DAB1: variants seen among roughly 807,000 people sequenced by gnomAD.
DAB1 encodes disabled homolog 1.
DAB1 carries 15 observed loss-of-function variants against 64.6 expected under a neutral mutation model. That is an observed-to-expected ratio of 0.23 (90% CI 0.16 to 0.36). DAB1 has a LOEUF of 0.36. DAB1 is among the 10% of genes least tolerant of loss of function. The pLI is 1.00. For synonymous variants in DAB1, 235 were observed against 251.9 expected (o/e 0.93, Z 0.64); for missense variants, 596 against 706.7 (o/e 0.84, Z 1.78).
intron 5 of DAB1, among the ~76,000 whole-genome samples, chr1:57,988,269 G>C (rs1301176979): frequency 2.6e-5 from 4 of 152,206 alleles, no homozygotes; most frequent in Non-Finnish European, 5.9e-5. Flanking sequence ...GGCTGCCAGA[G>C]TGGAGACACA....
At chr1:57,666,313 C>T (rs1428190117) in intron 6 of DAB1, among the ~76,000 whole-genome samples, 1 of 152,156 alleles carries the variant, frequency 6.6e-6, no homozygotes, top group Admixed American at 6.6e-5. Context: ...AATATCAAAG[C>T]AGGCACACAT....
At chr1:57,606,795 T>TATATAGAG (rs1553199598) in intron 7 of DAB1, among the ~76,000 whole-genome samples, 36 of 133,172 alleles carry the variant, frequency 2.7e-4, no homozygotes, top group African/African-American at 3.4e-4. Flanking sequence ...CATATATATA[T>TATATAGAG]AGAGAGAGAG....
Position 57,168,856 on chromosome 1 carries a change from G to C in DAB1, c.68-23427C>G, listed in dbSNP as rs1569707976. 2.6e-5 allele frequency among the ~76,000 whole-genome samples: 4 copies of C among 152,094 alleles called. No individual in the cohort carries two copies. The East Asian group carries it at 7.7e-4, about 29-fold the overall frequency. ...GGATCATTTGAGGGCAGGAGTTTGAGACCAGCCTGGGCAAAATAGCGCAAC... is the reference window on the plus strand; with the variant it reads ...GGATCATTTGAGGGCAGGAGTTTGACACCAGCCTGGGCAAAATAGCGCAAC... On this transcript the variant is annotated intron_variant, in intron 2 of 14. Transcript: ENST00000371236.
chr1:57,439,819 C>G (rs1479883560), intron 7 of DAB1, among the ~76,000 whole-genome samples: 1 of 152,056 alleles, frequency 6.6e-6, no homozygotes, highest in Middle Eastern at 3.2e-3. Flanking sequence ...ATTATGATAA[C>G]AATGACAATG....
At chr1:58,527,570 CA>C in intron 1 of DAB1, among the ~76,000 whole-genome samples, 1 of 152,214 alleles carries the variant, frequency 6.6e-6, no homozygotes, top group East Asian at 1.9e-4. Context: ...AATTTCTTGA[CA>C]GTCTGTAGTA....
chr1:57,121,046 G>C (rs1434080201), intron 4 of DAB1, among the ~76,000 whole-genome samples: 1 of 151,764 alleles, frequency 6.6e-6, no homozygotes, highest in African/African-American at 2.4e-5. Context: ...ATAAAGGAAG[G>C]GGCAAAGAGA....
chr1:57,286,546 T>C (rs1672330814), intron 2 of DAB1, among the ~76,000 whole-genome samples: 1 of 152,232 alleles, frequency 6.6e-6, no homozygotes, highest in African/African-American at 2.4e-5. Flanking sequence ...TACGGAATTA[T>C]GCATGGTTAC....
chr1:58,292,037 A>T (rs2100451103), intron 4 of DAB1, among the ~76,000 whole-genome samples: 1 of 152,334 alleles, frequency 6.6e-6, no homozygotes, highest in Admixed American at 6.5e-5. Context: ...CAAAAGGCAG[A>T]GGAAGGAGGA....
rs566380048 is a variant in DAB1 at position 58,165,941 on chromosome 1, G to T, written n.310-15353C>A. Reference sequence around the variant, plus strand: ...CATGAGATAGCTGTTGTTGTTTTCAGTTCACCATGAAGAGCCTGAGCCTTA... The same window carrying T: ...CATGAGATAGCTGTTGTTGTTTTCATTTCACCATGAAGAGCCTGAGCCTTA... On this transcript the variant is annotated intron_variant and non_coding_transcript_variant, in intron 4 of 20. Coordinates refer to the DAB1 transcript ENST00000485760. 6.1e-4 allele frequency among the ~76,000 whole-genome samples: 93 copies of T among 152,292 alleles called. 1 individual carries two copies. Among genetic ancestry groups the T allele is most frequent in the African/African-American group, 2.2e-3 (92 of 41,554 alleles).
chr1:57,043,735 T>TA (rs1395668678), intron 9 of DAB1, among the ~76,000 whole-genome samples: 1 of 151,908 alleles, frequency 6.6e-6, no homozygotes, highest in Admixed American at 6.6e-5. Flanking sequence ...TAGTCCCAGC[T>TA]ACTCAGGATG....
intron 5 of DAB1, among the ~76,000 whole-genome samples, chr1:57,897,931 T>C (rs2101990697): frequency 6.6e-6 from 1 of 152,254 alleles, no homozygotes; most frequent in East Asian, 1.9e-4. Flanking sequence ...CATGTTGAAC[T>C]GAAAGGAGCA....
At chr1:58,479,811 T>C (rs995738678) in intron 3 of DAB1, among the ~76,000 whole-genome samples, 4 of 152,294 alleles carry the variant, frequency 2.6e-5, no homozygotes, top group Middle Eastern at 3.4e-3. Context: ...GTGAGAGATA[T>C]TGGATATATT....
chr1:57,803,127 C>G (rs2101874977), intron 6 of DAB1, among the ~76,000 whole-genome samples: 1 of 152,278 alleles, frequency 6.6e-6, no homozygotes, highest in African/African-American at 2.4e-5. Context: ...AGCTGTCTAC[C>G]ACAAGCCCCA....
At chr1:57,218,455 G>A (rs930922194) in intron 2 of DAB1, among the ~76,000 whole-genome samples, 5 of 146,500 alleles carry the variant, frequency 3.4e-5, no homozygotes, top group African/African-American at 1.3e-4. Context: ...TGAGGTAGGA[G>A]GATCACTTGG....
chr1:57,898,469 A>T (rs768451021), intron 5 of DAB1, among the ~76,000 whole-genome samples: 10 of 152,202 alleles, frequency 6.6e-5, no homozygotes, highest in Non-Finnish European at 1.3e-4. Flanking sequence ...TTTTATTGAG[A>T]TAATTACAAA....
chr1:58,135,312 A>G (rs1419011485), intron 5 of DAB1, among the ~76,000 whole-genome samples: 2 of 152,136 alleles, frequency 1.3e-5, no homozygotes, highest in Non-Finnish European at 2.9e-5. Context: ...TGGATAAAGG[A>G]GAAGGAAGAA....
intron 2 of DAB1, among the ~76,000 whole-genome samples, chr1:57,227,519 T>TTCTG (rs3222527): frequency 7.4e-6 from 1 of 135,726 alleles, no homozygotes; most frequent in Non-Finnish European, 1.6e-5. Flanking sequence ...TTTTTTTCTT[T>TTCTG]TGTGTGTGTG....
intron 4 of DAB1, among the ~76,000 whole-genome samples, chr1:58,316,706 C>A (rs1662565938): frequency 6.6e-6 from 1 of 152,138 alleles, no homozygotes; most frequent in African/African-American, 2.4e-5. Context: ...GCACCTGGAC[C>A]ACAGCAGCAC....
chr1:57,382,401 C>T (rs112572121), intron 1 of DAB1, among the ~76,000 whole-genome samples: 26 of 152,258 alleles, frequency 1.7e-4, no homozygotes, highest in African/African-American at 3.4e-4. Flanking sequence ...TCTCAACAAA[C>T]GTTTATTGAG....
Sources: allele counts gnomAD v4.1 joint callset (sites outside exome capture counted in the v4.1 genomes callset), GRCh38; gene constraint gnomAD v4.1.1; transcripts MANE v1.5; gene names NCBI Gene and HGNC (gene_info 2026-07-23, HGNC 2026-07-21).